The following STRADA variants were observed in gnomAD, a reference collection of about 807,000 sequenced individuals.
The protein encoded by STRADA is STE20-related kinase adapter protein alpha.
STRADA carries 26 observed loss-of-function variants against 55.0 expected under a neutral mutation model. That is an observed-to-expected ratio of 0.47 (90% CI 0.35 to 0.66). STRADA has a LOEUF of 0.66. Among genes scored for constraint, STRADA ranks in the 30% least tolerant of loss-of-function variants. The pLI is 0.01. For synonymous variants in STRADA, 197 were observed against 210.9 expected, an observed-to-expected ratio of 0.93 and a Z score of 0.57; for missense variants, 443 against 549.7, an observed-to-expected ratio of 0.81 and a Z score of 1.94.
chr17:63,726,817 G>A (rs2037695353), intron 2 of STRADA, 122 bp from the exon 3 acceptor site: 1 of 921,104 alleles, frequency 1.1e-6, no homozygotes, highest in Non-Finnish European at 1.7e-6. Context: ...GTACAGTTAG[G>A]AATCATTTCT....
chr17:63,740,438 G>C (rs952071641), intron 1 of STRADA, among the ~76,000 whole-genome samples: 1 of 151,996 alleles, frequency 6.6e-6, no homozygotes, highest in African/African-American at 2.4e-5. Flanking sequence ...CTTGTACCAA[G>C]GAGGCCGAGG....
intron 1 of STRADA, among the ~76,000 whole-genome samples, chr17:63,740,151 C>CACACATATATAT (rs2038826919): frequency 1.3e-5 from 1 of 79,684 alleles, no homozygotes; most frequent in Non-Finnish European, 2.4e-5. Flanking sequence ...TATATATACA[C>CACACATATATAT]ACACACACAC....
At chr17:63,739,781 TACA>T (rs374456870) in intron 1 of STRADA, among the ~76,000 whole-genome samples, 31,373 of 72,120 alleles carry the variant, frequency 0.44, 4,690 homozygotes, top group South Asian at 0.59. Context: ...TGTACATATA[TACA>T]TATAATGTAC....
At chr17:63,716,128 A>G (rs1420153461) in intron 4 of STRADA, among the ~76,000 whole-genome samples, 1 of 138,228 alleles carries the variant, frequency 7.2e-6, no homozygotes, top group Admixed American at 7.8e-5. Flanking sequence ...ACGGAGTCTC[A>G]CTCTGTCACC....
At chr17:63,713,561 A>G (rs2036650503) in intron 5 of STRADA, 34 bp from the exon 6 acceptor site, 5 of 1,599,662 alleles carry the variant, frequency 3.1e-6, no homozygotes, top group Non-Finnish European at 4.2e-6. Flanking sequence ...ACGCAAGGAC[A>G]AGAACAACAA....
rs755368766 is a variant in STRADA at position 63,704,875 on chromosome 17, G to A, written c.859-293C>T. The A allele has an allele frequency of 1.2e-5, 19 of 1,535,978 alleles. No homozygotes were observed. In the South Asian group the frequency reaches 2.1e-4, roughly 17 times the overall value. On this transcript the variant is annotated intron_variant, in intron 10 of 12. Transcript: ENST00000336174. Reference sequence around the variant, plus strand: ...CACAGTTTCCGCTCTCCCTTTCCAAGGCATCAAATTCCTTTTACCGTAGAG... The same window carrying A: ...CACAGTTTCCGCTCTCCCTTTCCAAAGCATCAAATTCCTTTTACCGTAGAG...
In STRADA at chr17:63,704,007, G is replaced by A. The variant is rs1793806473; in HGVS notation, c.1141C>T (p.Gln381Ter). ...STLLNHSFFK[Q>*]IKRRASEALP... Reference sequence around the variant, plus strand: ...CCAGAACGAAGGGGCTACGATACCTGCTTGAAGAAAGAGTGGTTCAGGAGG... The same window carrying A: ...CCAGAACGAAGGGGCTACGATACCTACTTGAAGAAAGAGTGGTTCAGGAGG... The change falls in exon 12 of 13, where the codon CAG (glutamine) becomes TAG (stop). Residue 381 changes from glutamine (Q) to a stop codon, truncating the protein, a stop_gained and splice_region_variant. Transcript: ENST00000336174. LOFTEE classifies it high-confidence loss of function. The A allele has an allele frequency of 1.9e-6, 3 of 1,614,066 alleles. No homozygotes were observed. Among genetic ancestry groups the A allele is most frequent in the Non-Finnish European group, 2.5e-6 (3 of 1,179,990 alleles).
intron 1 of STRADA, among the ~76,000 whole-genome samples, chr17:63,731,018 A>C (rs1050756382): frequency 6.6e-6 from 1 of 151,244 alleles, no homozygotes; most frequent in Non-Finnish European, 1.5e-5. Flanking sequence ...ATCTTGGCTC[A>C]CTGCAACCTC....
chr17:63,731,556 G>A (rs562972795), intron 1 of STRADA, among the ~76,000 whole-genome samples: 76 of 152,096 alleles, frequency 5.0e-4, no homozygotes, highest in African/African-American at 1.8e-3. Context: ...GAGCCACCGC[G>A]CCTGGCCGGC....
chr17:63,703,621 T>C lies in STRADA; in HGVS notation c.1274A>G (p.Glu425Gly). The change falls in exon 13 of 13, where the codon GAG becomes GGG. Residue 425 changes from glutamate (E) to glycine (G), a missense_variant. Coordinates refer to ENST00000336174, the MANE Select transcript of STRADA (RefSeq NM_001003787.4). ...FGLVTNLEEL[E>G]VDDWEF ...GGCTCAGAACTCCCAATCGTCCACC[T>C]CCAGCTCTTCCAGGTTTGTTACCAG... 1 of 1,614,126 alleles carries C rather than the reference T, an allele frequency of 6.2e-7. No individual in the cohort carries two copies. The highest frequency in any genetic ancestry group is 1.3e-5 in the African/African-American group (1 of 75,068).
chr17:63,723,571 A>G lies in STRADA; in HGVS notation c.95-245T>C, dbSNP rs2037452895. ...CAAAAGGTGGCAAGGCTACTACTCT[A>G]TGGGTATTCTTTACTGGATAGAACT... is the stretch of plus-strand genomic sequence containing the variant. On this transcript the variant is annotated intron_variant, in intron 3 of 12. Transcript: ENST00000336174. 1.4e-5 allele frequency: 7 copies of G among 514,344 alleles called. No individual in the cohort carries two copies. In the Admixed American group the frequency reaches 1.7e-4, roughly 12 times the overall value. The allele number at this position is 514,344 out of a possible 1,614,324, so 31.9% of individuals were successfully genotyped here.
At chr17:63,713,723 C>G (rs1379656041) in intron 5 of STRADA, among the ~76,000 whole-genome samples, 196 bp from the exon 6 acceptor site, 1 of 151,672 alleles carries the variant, frequency 6.6e-6, no homozygotes. Flanking sequence ...ATTTTTCTCT[C>G]ATCAGTTCCT....
intron 11 of STRADA, 39 bp from the exon 12 acceptor site, chr17:63,704,086 C>A (rs763209306): frequency 1.2e-6 from 2 of 1,604,682 alleles, no homozygotes; most frequent in African/African-American, 2.7e-5. Context: ...GCATCACTGC[C>A]GTGTCCCCAG....
At chr17:63,720,924 C>A (rs777689802) in intron 4 of STRADA, among the ~76,000 whole-genome samples, 8 of 150,908 alleles carry the variant, frequency 5.3e-5, no homozygotes, top group Non-Finnish European at 8.8e-5. Context: ...TGGTGAAACC[C>A]TGTCTCTACT....
intron 1 of STRADA, among the ~76,000 whole-genome samples, chr17:63,740,151 C>CATACACATATATAT (rs1340895689): frequency 1.3e-5 from 1 of 79,684 alleles, no homozygotes; most frequent in Non-Finnish European, 2.4e-5. Flanking sequence ...TATATATACA[C>CATACACATATATAT]ACACACACAC....
At chr17:63,737,121 T>C (rs1157010323) in intron 1 of STRADA, among the ~76,000 whole-genome samples, 1 of 151,362 alleles carries the variant, frequency 6.6e-6, no homozygotes, top group Non-Finnish European at 1.5e-5. Flanking sequence ...TGGTGGCACA[T>C]GCTTGTAGTC....
At position 63,706,687 on chromosome 17, in the gene STRADA, G is replaced by A; in HGVS notation, c.806C>T (p.Ala269Val). ...GACATGGCCGTTGGCCAGTTCACAG[G>A]CTGTGATTCCCACACTGTAGATGTC... ...KSDIYSVGIT[A>V]CELANGHVPF... The change falls in exon 10 of 13, where the codon GCC becomes GTC. Residue 269 changes from alanine (A) to valine (V), a missense_variant. By Grantham distance (64) the Ala-to-Val change is moderately conservative. Transcript: ENST00000336174. 1.9e-6 allele frequency: 3 copies of A among 1,614,110 alleles called. No homozygotes were observed. The highest frequency in any genetic ancestry group is 1.1e-5 in the South Asian group (1 of 91,078).
chr17:63,707,449 A>C, intron 8 of STRADA, 31 bp from the exon 9 acceptor site: 1 of 1,605,694 alleles, frequency 6.2e-7, no homozygotes, highest in South Asian at 1.1e-5. Flanking sequence ...TCATGTCGAG[A>C]GCAGGAGCCC....
At chr17:63,711,274 G>A (rs4264456) in intron 6 of STRADA, among the ~76,000 whole-genome samples, 106,423 of 152,186 alleles carry the variant, frequency 0.7, 38,656 homozygotes, top group African/African-American at 0.92. Flanking sequence ...GGCTCAAGCA[G>A]TCCTTCTGCC....
Sources: gnomAD v4.1 joint callset for allele counts (sites outside exome capture counted in the v4.1 genomes callset) on GRCh38, gnomAD v4.1.1 for gene constraint, MANE v1.5 for transcripts, NCBI Gene and HGNC (gene_info 2026-07-23, HGNC 2026-07-21) for gene names.